The following TYW1 variants were observed in gnomAD, a reference collection of about 807,000 sequenced individuals.
TYW1 encodes the protein S-adenosyl-L-methionine-dependent tRNA 4-demethylwyosine synthase TYW1.
In TYW1, 46 loss-of-function variants were observed where a neutral mutation model predicts 96.2. That is an observed-to-expected ratio of 0.48 (90% CI 0.38 to 0.61). TYW1 has a LOEUF of 0.61. TYW1 is among the 20% of genes least tolerant of loss of function. TYW1 has a pLI of 0.00. For synonymous variants in TYW1, 274 were observed against 323.0 expected, an observed-to-expected ratio of 0.85 and a Z score of 1.63; for missense variants, 684 against 909.6, an observed-to-expected ratio of 0.75 and a Z score of 3.19.
intron 6 of TYW1, 87 bp downstream of exon 6, chr7:67,018,230 G>C: frequency 1.3e-6 from 2 of 1,508,154 alleles, no homozygotes; most frequent in Non-Finnish European, 1.8e-6. Flanking sequence ...AAACCATCTC[G>C]TTGGCTTCTG....
At chr7:67,120,709 A>G (rs960165328) in intron 13 of TYW1, among the ~76,000 whole-genome samples, 1 of 152,230 alleles carries the variant, frequency 6.6e-6, no homozygotes, top group Non-Finnish European at 1.5e-5. Flanking sequence ...GGAAGATGAC[A>G]AGGAAACATT....
chr7:67,115,055 T>C (rs1402016649), intron 12 of TYW1, among the ~76,000 whole-genome samples: 1 of 152,152 alleles, frequency 6.6e-6, no homozygotes, highest in Admixed American at 6.6e-5. Flanking sequence ...CAGGGCTTCC[T>C]ATTTTGTAAA....
chr7:67,229,396 G>A (rs1224909787), intron 15 of TYW1, among the ~76,000 whole-genome samples: 3 of 137,946 alleles, frequency 2.2e-5, no homozygotes, highest in Non-Finnish European at 4.7e-5. Context: ...AAATTAGCTG[G>A]GCCGTGGTGG....
chr7:67,037,593 G>A (rs1794881858), intron 7 of TYW1, among the ~76,000 whole-genome samples: 1 of 151,528 alleles, frequency 6.6e-6, no homozygotes, highest in Non-Finnish European at 1.5e-5. Flanking sequence ...ACAAAGGCTA[G>A]ACATCTTATT....
At chr7:67,159,242 A>G (rs1799081055) in intron 13 of TYW1, among the ~76,000 whole-genome samples, 1 of 152,188 alleles carries the variant, frequency 6.6e-6, no homozygotes, top group Non-Finnish European at 1.5e-5. Context: ...CTACTATTAA[A>G]TAGCACTGCA....
intron 13 of TYW1, among the ~76,000 whole-genome samples, chr7:67,169,328 C>T (rs1246103430): frequency 6.6e-6 from 1 of 152,108 alleles, no homozygotes. Flanking sequence ...TTCAGAACTT[C>T]CAATAGTGTC....
intron 13 of TYW1, among the ~76,000 whole-genome samples, chr7:67,154,303 G>A (rs1356077458): frequency 1.3e-5 from 2 of 152,114 alleles, no homozygotes; most frequent in Non-Finnish European, 1.5e-5. Context: ...CAATAAACTT[G>A]TATTTTGGAA....
At chr7:67,034,908 A>G (rs1447488937) in intron 7 of TYW1, among the ~76,000 whole-genome samples, 1 of 151,878 alleles carries the variant, frequency 6.6e-6, no homozygotes, top group Non-Finnish European at 1.5e-5. Flanking sequence ...AAAGTTGCAA[A>G]GAGTTTCCCA....
intron 14 of TYW1, among the ~76,000 whole-genome samples, chr7:67,187,826 T>C (rs751077635): frequency 2.6e-5 from 4 of 152,232 alleles, no homozygotes; most frequent in Non-Finnish European, 5.9e-5. Flanking sequence ...TTATTAATTT[T>C]ACTTTTTGTA....
intron 11 of TYW1, 25 bp downstream of exon 11, chr7:67,083,564 A>G: frequency 6.2e-7 from 1 of 1,612,268 alleles, no homozygotes; most frequent in South Asian, 1.1e-5. Context: ...TCTACAAAGG[A>G]ATGCTAATAC....
intron 13 of TYW1, among the ~76,000 whole-genome samples, chr7:67,156,279 C>T (rs1204256811): frequency 1.3e-5 from 2 of 152,118 alleles, no homozygotes; most frequent in African/African-American, 2.4e-5. Flanking sequence ...GTAGTGGCAG[C>T]GGACCAATCC....
chr7:67,084,727 C>T (rs1796496249), intron 11 of TYW1, among the ~76,000 whole-genome samples: 1 of 152,136 alleles, frequency 6.6e-6, no homozygotes. Context: ...GTTGTCCAGG[C>T]TGGTCTCAAA....
chr7:67,228,717 C>A (rs1230424677), intron 15 of TYW1, among the ~76,000 whole-genome samples: 3 of 152,006 alleles, frequency 2.0e-5, no homozygotes, highest in Admixed American at 2.0e-4. Context: ...AACTATGAGA[C>A]CTTTGTATGA....
intron 13 of TYW1, among the ~76,000 whole-genome samples, chr7:67,154,018 C>T (rs13225639): frequency 0.26 from 39,389 of 149,898 alleles, 5,615 homozygotes; most frequent in African/African-American, 0.38. Flanking sequence ...AGTTCTGCCT[C>T]GTGGGTTCAC....
chr7:67,129,653 G>T (rs980367214), intron 13 of TYW1, among the ~76,000 whole-genome samples: 8 of 152,156 alleles, frequency 5.3e-5, no homozygotes, highest in African/African-American at 1.9e-4. Flanking sequence ...CAGTGATGAC[G>T]TCCAAGCAAC....
chr7:67,211,838 C>T (rs1335841498), intron 15 of TYW1, among the ~76,000 whole-genome samples: 2 of 152,204 alleles, frequency 1.3e-5, no homozygotes, highest in African/African-American at 2.4e-5. Context: ...AGACTCCACC[C>T]GTTTCCAAAA....
At position 67,149,212 on chromosome 7, in the gene TYW1, G is replaced by A. The variant is rs749424704; in HGVS notation, c.1698+31594G>A. Among the ~76,000 whole-genome samples, 65 of 152,196 alleles carry A rather than the reference G, an allele frequency of 4.3e-4. 1 individual carries two copies. Among genetic ancestry groups the A allele is most frequent in the Non-Finnish European group, 6.8e-4 (46 of 68,038 alleles). ...CATCATGTTTGATTTATGAAAAAGA[G>A]AATTTACAGGAAAGGGAAATTAAAA... On this transcript the variant is annotated intron_variant, in intron 13 of 15. Coordinates refer to ENST00000359626, the MANE Select transcript of TYW1 (RefSeq NM_018264.4).
chr7:67,009,721 A>T, intron 4 of TYW1, 37 bp downstream of exon 4: 11 of 1,515,824 alleles, frequency 7.3e-6, no homozygotes, highest in Non-Finnish European at 9.9e-6. Context: ...AAAACTCTCA[A>T]ATTTAACTGA....
chr7:67,040,145 T>C (rs532351590), intron 7 of TYW1, among the ~76,000 whole-genome samples: 49 of 151,166 alleles, frequency 3.2e-4, no homozygotes, highest in South Asian at 8.4e-4. Context: ...TTTGTAGAGA[T>C]GGGGTTTTTA....
Sources: gnomAD v4.1 joint callset for allele counts (sites outside exome capture counted in the v4.1 genomes callset) on GRCh38, gnomAD v4.1.1 for gene constraint, MANE v1.5 for transcripts, NCBI Gene and HGNC (gene_info 2026-07-23, HGNC 2026-07-21) for gene names.